Variants in GRIN2A observed in about 807,000 individuals in gnomAD.
GRIN2A encodes glutamate ionotropic receptor NMDA type subunit 2A, also known as glutamate receptor ionotropic, NMDA 2A.
Under a neutral mutation model 113.4 loss-of-function variants are expected in GRIN2A, and 22 were observed. The observed-to-expected ratio is 0.19, with a 90% CI of 0.14 to 0.28. The LOEUF (loss-of-function observed/expected upper bound fraction) is 0.28, where lower values mean the gene tolerates loss of function less well. GRIN2A is among the 10% of genes least tolerant of loss of function. GRIN2A has a pLI of 1.00. For synonymous variants in GRIN2A, 827 were observed against 738.4 expected (o/e 1.12, Z -1.94); for missense variants, 1,502 against 1,887.0 (o/e 0.80, Z 3.78).
chr16:10,165,843 A>T (rs1215522288), intron 2 of GRIN2A, among the ~76,000 whole-genome samples: 1 of 151,816 alleles, frequency 6.6e-6, no homozygotes, highest in African/African-American at 2.4e-5. Context: ...AAGAGGAAAA[A>T]CTAGTATCAA....
intron 3 of GRIN2A, among the ~76,000 whole-genome samples, chr16:9,933,754 C>T (rs765772489): frequency 6.6e-6 from 1 of 152,092 alleles, no homozygotes; most frequent in African/African-American, 2.4e-5. Context: ...ACCTAAATGT[C>T]CATCAAAGAG....
rs1267198101 is a variant in GRIN2A, at chr16:9,929,189, T to C, written c.1007+8770A>G. Among the ~76,000 whole-genome samples the C allele has an allele frequency of 2.6e-5, 4 of 152,232 alleles. No homozygotes were observed. The South Asian group carries it at 6.2e-4, about 24-fold the overall frequency. On this transcript the variant is annotated intron_variant, in intron 3 of 12. Coordinates refer to ENST00000330684, the MANE Select transcript of GRIN2A (RefSeq NM_001134407.3). Reference sequence around the variant, plus strand: ...GCAAGACCTTGCCCAGTCGTAGGGCTTTGACTGCCATCAATAAGCTCAAAT... The same window carrying C: ...GCAAGACCTTGCCCAGTCGTAGGGCCTTGACTGCCATCAATAAGCTCAAAT...
chr16:9,775,113 A>G (rs1478550316), intron 11 of GRIN2A, among the ~76,000 whole-genome samples: 2 of 152,218 alleles, frequency 1.3e-5, no homozygotes, highest in Non-Finnish European at 2.9e-5. Flanking sequence ...CATTTGTGAA[A>G]AATCCATTTT....
At chr16:10,094,883 CAAAAAAA>C (rs58041208) in intron 2 of GRIN2A, among the ~76,000 whole-genome samples, 4 of 117,446 alleles carry the variant, frequency 3.4e-5, no homozygotes, top group Non-Finnish European at 5.3e-5. Flanking sequence ...GAATGTGCAC[CAAAAAAA>C]AAAAAAAAAA....
intron 2 of GRIN2A, among the ~76,000 whole-genome samples, chr16:10,108,336 G>A (rs963588598): frequency 6.6e-6 from 1 of 152,162 alleles, no homozygotes; most frequent in East Asian, 1.9e-4. Flanking sequence ...TGTGAGAACA[G>A]CATAAGAAAG....
chr16:10,128,530 C>G (rs2048993686), intron 2 of GRIN2A, among the ~76,000 whole-genome samples: 2 of 152,166 alleles, frequency 1.3e-5, no homozygotes, highest in African/African-American at 4.8e-5. Flanking sequence ...TTCACTGGAA[C>G]CAGCCTTGGA....
chr16:10,132,958 T>C (rs2049097730), intron 2 of GRIN2A, among the ~76,000 whole-genome samples: 1 of 152,176 alleles, frequency 6.6e-6, no homozygotes, highest in Non-Finnish European at 1.5e-5. Context: ...TTCCAGTTTG[T>C]AGAGTCTGCC....
intron 11 of GRIN2A, among the ~76,000 whole-genome samples, chr16:9,771,472 A>G (rs931179327): frequency 6.6e-6 from 1 of 151,700 alleles, no homozygotes; most frequent in Non-Finnish European, 1.5e-5. Context: ...CTTTTGTTAT[A>G]TAGTTTGTTA....
At chr16:10,132,444 AC>A (rs2049085896) in intron 2 of GRIN2A, among the ~76,000 whole-genome samples, 1 of 151,972 alleles carries the variant, frequency 6.6e-6, no homozygotes, top group African/African-American at 2.4e-5. Context: ...TCTCCAGTGC[AC>A]CTAAACAGGT....
At chr16:10,169,018 A>AATAATT (rs1402734127) in intron 2 of GRIN2A, among the ~76,000 whole-genome samples, 1 of 136,894 alleles carries the variant, frequency 7.3e-6, no homozygotes, top group Non-Finnish European at 1.6e-5. Flanking sequence ...TAATAATAAT[A>AATAATT]ATTTCACTCT....
chr16:10,100,422 T>C (rs2142107219), intron 2 of GRIN2A, among the ~76,000 whole-genome samples: 1 of 152,336 alleles, frequency 6.6e-6, no homozygotes, highest in South Asian at 2.1e-4. Flanking sequence ...GAGCTGCTGA[T>C]GGAAATGGGG....
At chr16:9,794,420 C>G (rs893900612) in intron 11 of GRIN2A, among the ~76,000 whole-genome samples, 1 of 152,206 alleles carries the variant, frequency 6.6e-6, no homozygotes, top group South Asian at 2.1e-4. Flanking sequence ...CAGCACTGTG[C>G]TCTTTACACG....
chr16:9,827,954 C>G (rs1308603200), intron 9 of GRIN2A, among the ~76,000 whole-genome samples: 1 of 152,144 alleles, frequency 6.6e-6, no homozygotes, highest in Non-Finnish European at 1.5e-5. Flanking sequence ...TTTGTTTCTT[C>G]CTTGATGTTT....
At chr16:9,883,251 C>T (rs2043519967) in intron 4 of GRIN2A, among the ~76,000 whole-genome samples, 1 of 152,148 alleles carries the variant, frequency 6.6e-6, no homozygotes, top group Non-Finnish European at 1.5e-5. Context: ...TAATAAATGG[C>T]AGCTGAAGTC....
intron 2 of GRIN2A, among the ~76,000 whole-genome samples, chr16:10,058,271 A>C (rs552947017): frequency 1.3e-5 from 2 of 150,828 alleles, no homozygotes; most frequent in Non-Finnish European, 3.0e-5. Flanking sequence ...ACCAAAAAAC[A>C]AAAAAACCAA....
chr16:9,896,685 A>T (rs74008868), intron 3 of GRIN2A, among the ~76,000 whole-genome samples: 2 of 151,758 alleles, frequency 1.3e-5, no homozygotes, highest in Non-Finnish European at 1.5e-5. Flanking sequence ...GGAGGGGGGA[A>T]AAAAAAACCT....
At chr16:9,894,723 T>C (rs1296053809) in intron 3 of GRIN2A, among the ~76,000 whole-genome samples, 2 of 152,206 alleles carry the variant, frequency 1.3e-5, no homozygotes, top group Non-Finnish European at 1.5e-5. Flanking sequence ...CAGGGTTATT[T>C]TTAGCCCCGT....
chr16:10,082,667 T>C (rs1406843637), intron 2 of GRIN2A, among the ~76,000 whole-genome samples: 1 of 152,162 alleles, frequency 6.6e-6, no homozygotes, highest in African/African-American at 2.4e-5. Context: ...TCTCCATCAC[T>C]GGTTTTGAAG....
intron 2 of GRIN2A, among the ~76,000 whole-genome samples, chr16:10,016,743 C>A (rs908053103): frequency 2.0e-5 from 3 of 152,238 alleles, no homozygotes; most frequent in African/African-American, 7.2e-5. Flanking sequence ...GAGCTCACAT[C>A]TCTCTTACCT....
Sources: allele counts gnomAD v4.1 joint callset (sites outside exome capture counted in the v4.1 genomes callset), GRCh38; gene constraint gnomAD v4.1.1; transcripts MANE v1.5; gene names NCBI Gene and HGNC (gene_info 2026-07-23, HGNC 2026-07-21).